Variants in KRT81 observed in about 807,000 individuals in gnomAD.
KRT81 encodes keratin, type II cuticular Hb1.
In KRT81, 35 loss-of-function variants were observed where a neutral mutation model predicts 35.8. The observed-to-expected ratio is 0.98, with a 90% CI of 0.75 to 1.30. The LOEUF (loss-of-function observed/expected upper bound fraction) is 1.30. Ranked by LOEUF, KRT81 falls within the 50% of genes most tolerant of loss-of-function variation. KRT81 has a pLI of 0.00. For synonymous variants in KRT81, 249 were observed against 251.2 expected (o/e 0.99, Z 0.08); for missense variants, 531 against 577.4 (o/e 0.92, Z 0.82).
Position 52,286,033 on chromosome 12 carries a change from T to C in KRT81, c.*222A>G. 1 of 583,050 alleles carries C rather than the reference T, an allele frequency of 1.7e-6. No individual in the cohort carries two copies. The allele number at this position is 583,050 out of a possible 1,614,324, so 36.1% of individuals were successfully genotyped here. A position where few individuals can be genotyped will look rare whatever the true frequency, so the allele number is the denominator to read the frequency against. On this transcript the variant is annotated 3_prime_UTR_variant, in exon 9 of 9. Transcript: ENST00000327741. ...CCTTCCTGCTCCTGAGGCCCCTTCC[T>C]ATGGGTGCCAGCGGACTTCTTTCTA...
chr12:52,286,377 C>CGGT lies in KRT81; in HGVS notation c.1393_1395dup (p.Thr465dup). 6.4e-7 allele frequency: 1 copy of CGGT among 1,555,252 alleles called. No homozygotes were observed. The highest frequency in any genetic ancestry group is 2.4e-5 in the East Asian group (1 of 41,382). ...AATTGGCCGCAGGGCGCACACAGGCCGGTGCTCACCGCCACGTTCCCGTTG... is the reference window on the plus strand; with the variant it reads ...AATTGGCCGCAGGGCGCACACAGGCCGGTGGTGCTCACCGCCACGTTCCCGTTG... On this transcript the variant is annotated inframe_insertion, in exon 9 of 9. Coordinates refer to ENST00000327741, the MANE Select transcript of KRT81 (RefSeq NM_002281.4).
chr12:52,287,427 G>A, intron 6 of KRT81, 105 bp from the exon 7 acceptor site: 1 of 1,570,568 alleles, frequency 6.4e-7, no homozygotes, highest in East Asian at 2.3e-5. Context: ...CCCCAGAACA[G>A]AGCCTCTTGC....
intron 7 of KRT81, 40 bp from the exon 8 acceptor site, chr12:52,286,862 C>T (rs1307490283): frequency 6.2e-7 from 1 of 1,611,368 alleles, no homozygotes; most frequent in South Asian, 1.1e-5. Flanking sequence ...AGTGACTGCC[C>T]CAGAGTGGCT....
intron 5 of KRT81, 66 bp downstream of exon 5, chr12:52,287,918 A>G (rs1303463797): frequency 2.5e-6 from 4 of 1,613,254 alleles, no homozygotes; most frequent in African/African-American, 2.7e-5. Context: ...AAGGAAGCCT[A>G]TTTAATAGAT....
intron 6 of KRT81, 122 bp downstream of exon 6, chr12:52,287,474 G>A: frequency 6.3e-7 from 1 of 1,591,468 alleles, no homozygotes; most frequent in Non-Finnish European, 8.6e-7. Context: ...ACCACGACCA[G>A]GGACTCTACA....
chr12:52,287,563 G>A (rs200810186), intron 6 of KRT81, 33 bp downstream of exon 6: 2 of 1,613,790 alleles, frequency 1.2e-6, no homozygotes, highest in Non-Finnish European at 8.5e-7. Flanking sequence ...TAGGCCCTCG[G>A]TCTCTCTGAC....
chr12:52,287,568 T>C, intron 6 of KRT81, 28 bp downstream of exon 6: 1 of 1,613,940 alleles, frequency 6.2e-7, no homozygotes, highest in Non-Finnish European at 8.5e-7. Context: ...CCTCGGTCTC[T>C]CTGACCTTGC....
chr12:52,288,503 C>T (rs369197277), intron 3 of KRT81, 47 bp from the exon 4 acceptor site: 2 of 1,601,562 alleles, frequency 1.2e-6, no homozygotes, highest in African/African-American at 2.7e-5. Flanking sequence ...GGTGATCCAG[C>T]CCCCAGACTC....
Position 52,291,298 on chromosome 12 carries a change from G to C in KRT81, c.168C>G (p.Ala56=), listed in dbSNP as rs1294467291. ...AGCCGAAGCTGCGTCCGCAGGAGCC[G>C]GCCCGAAAGCCTCCGCACACGCTGT... ...GSHSVCGGFR[A]GSCGRSFGYR... is the part of the protein sequence containing the mutation. The change falls in exon 1 of 9, where the codon GCC becomes GCG. Residue 56 remains alanine, a synonymous_variant. Coordinates refer to ENST00000327741, the MANE Select transcript of KRT81 (RefSeq NM_002281.4). 4 of 1,541,234 alleles carry C rather than the reference G, an allele frequency of 2.6e-6. No homozygotes were observed. The highest frequency in any genetic ancestry group is 4.6e-4 in the Middle Eastern group (2 of 4,364).
chr12:52,288,555 T>G, intron 3 of KRT81, 99 bp from the exon 4 acceptor site: 2 of 1,359,284 alleles, frequency 1.5e-6, no homozygotes, highest in South Asian at 1.2e-5. Flanking sequence ...GGGAAAGCAG[T>G]CCCTGGTGTC....
In KRT81 at chr12:52,287,119, C is replaced by T. The variant is rs1488100385; in HGVS notation, c.1230G>A (p.Leu410=). 5.6e-6 allele frequency: 9 copies of T among 1,613,146 alleles called. No homozygotes were observed. The highest frequency in any genetic ancestry group is 7.6e-6 in the Non-Finnish European group (9 of 1,179,936). ...GGACCCACCTCTGCTCCTCGCCCTC[C>T]AGCAGGCGCCTGTAGGTGGCGATCT... ...DIEIATYRRL[L]EGEEQRLCEG... Residue 410 remains leucine (L), a synonymous_variant, in exon 7 of 9, where the codon CTG becomes CTA. Coordinates refer to ENST00000327741, the MANE Select transcript of KRT81 (RefSeq NM_002281.4).
rs1937970535 is a variant in KRT81 at position 52,287,135 on chromosome 12, G to A, written c.1214C>T (p.Thr405Ile). ...SKLGLDIEIA[T>I]YRRLLEGEEQ... ...CTCGCCCTCCAGCAGGCGCCTGTAG[G>A]TGGCGATCTCGATGTCCAGGCCCAG... Residue 405 changes from threonine to isoleucine, a missense_variant, in exon 7 of 9, where the codon ACC becomes ATC. This residue lies in a region of KRT81 where 150 missense variants were observed against 145.4 expected (regional missense o/e 1.03). Coordinates refer to ENST00000327741, the MANE Select transcript of KRT81 (RefSeq NM_002281.4). 8 of 1,613,338 alleles carry A rather than the reference G, an allele frequency of 5.0e-6. No individual in the cohort carries two copies. The highest frequency in any genetic ancestry group is 6.8e-6 in the Non-Finnish European group (8 of 1,179,978).
intron 3 of KRT81, 102 bp from the exon 4 acceptor site, chr12:52,288,558 CT>C: frequency 1.4e-6 from 2 of 1,383,450 alleles, no homozygotes; most frequent in Non-Finnish European, 2.1e-6. Flanking sequence ...AAAGCAGTCC[CT>C]GGTGTCCCAT....
rs760672911 is a variant in KRT81, at chr12:52,287,255, C to T, written c.1094G>A (p.Arg365His). ...QQGEAALSDARCKLAELEGAL... is the reference protein window; with the variant it reads ...QQGEAALSDAHCKLAELEGAL... ...GCCCTCCAGCTCGGCCAGCTTGCAGCGGGCATCACTGAGGGCCGCCTCACC... is the reference window on the plus strand; with the variant it reads ...GCCCTCCAGCTCGGCCAGCTTGCAGTGGGCATCACTGAGGGCCGCCTCACC... The change falls in exon 7 of 9, where the codon CGC becomes CAC. Residue 365 changes from arginine to histidine, a missense_variant. Transcript: ENST00000327741. 9.4e-5 allele frequency: 151 copies of T among 1,614,110 alleles called. 2 individuals are homozygous for T. The South Asian group carries it at 1.1e-3, about 12-fold the overall frequency.
chr12:52,288,540 G>C, intron 3 of KRT81, 84 bp from the exon 4 acceptor site: 1 of 1,530,544 alleles, frequency 6.5e-7, no homozygotes, highest in Non-Finnish European at 9.1e-7. Flanking sequence ...ATTCCATGTA[G>C]CCAGGGGAAA....
At chr12:52,287,074 G>A (rs1459106653) in intron 7 of KRT81, 28 bp downstream of exon 7, 2 of 1,612,540 alleles carry the variant, frequency 1.2e-6, no homozygotes, top group African/African-American at 1.3e-5. Flanking sequence ...GGGAAGGGTG[G>A]TTCTGGGCCA....
Position 52,287,212 on chromosome 12 carries a change from C to T in KRT81, c.1137G>A (p.Lys379=), listed in dbSNP as rs1198303562. ...AELEGALQKA[K]QDMACLIREY... is the part of the protein sequence containing the mutation. Reference sequence around the variant, plus strand: ...CCCTGATCAGGCAGGCCATGTCCTGCTTGGCCTTCTGCAGGGCGCCCTCCA... The same window carrying T: ...CCCTGATCAGGCAGGCCATGTCCTGTTTGGCCTTCTGCAGGGCGCCCTCCA... The change falls in exon 7 of 9, where the codon AAG becomes AAA. Residue 379 remains lysine (K), a synonymous_variant. Coordinates refer to ENST00000327741, the MANE Select transcript of KRT81 (RefSeq NM_002281.4). The T allele has an allele frequency of 1.2e-6, 2 of 1,613,930 alleles. No individual in the cohort carries two copies. The highest frequency in any genetic ancestry group is 1.3e-5 in the African/African-American group (1 of 74,926).
At position 52,287,807 on chromosome 12, in the gene KRT81, G is replaced by GT. The variant is rs566497238; in HGVS notation, c.901-87dup. The GT allele has an allele frequency of 1.3e-4, 215 of 1,611,780 alleles. 1 individual carries two copies. In the South Asian group the frequency reaches 2.3e-3, roughly 18 times the overall value. On this transcript the variant is annotated intron_variant, in intron 5 of 8. Transcript: ENST00000327741. ...CACAGATGATTTTGCAGGTTGTACAGTGCTCAGCCTGTGCAGCCACACATG... is the reference window on the plus strand; with the variant it reads ...CACAGATGATTTTGCAGGTTGTACAGTTGCTCAGCCTGTGCAGCCACACATG...
rs1938109378 is a variant in KRT81 at position 52,291,270 on chromosome 12, G to A, written c.196C>T (p.Arg66Cys). ...AGSCGRSFGYRSGGVCGPSPP... is the reference protein window; with the variant it reads ...AGSCGRSFGYCSGGVCGPSPP... ...CTGGGCCCGCACACGCCCCCGGAGC[G>A]GTAGCCGAAGCTGCGTCCGCAGGAG... Residue 66 changes from arginine (R) to cysteine (C), a missense_variant, in exon 1 of 9, where the codon CGC becomes TGC. This residue lies in a region of KRT81 where 133 missense variants were observed against 125.9 expected (regional missense o/e 1.06). Coordinates refer to ENST00000327741, the MANE Select transcript of KRT81 (RefSeq NM_002281.4). The A allele has an allele frequency of 3.3e-6, 5 of 1,530,940 alleles. No individual in the cohort carries two copies. The East Asian group carries it at 9.9e-5, about 30-fold the overall frequency. The allele number at this position is 1,530,940 out of a possible 1,614,324, so 94.8% of individuals were successfully genotyped here. A position where few individuals can be genotyped will look rare whatever the true frequency, so the allele number is the denominator to read the frequency against.
Sources: gnomAD v4.1 joint callset for allele counts on GRCh38, gnomAD v4.1.1 for gene constraint, gnomAD v4.1.1 regional missense constraint, MANE v1.5 for transcripts, NCBI Gene and HGNC (gene_info 2026-07-23, HGNC 2026-07-21) for gene names.